KIAA0586: variants seen among roughly 807,000 people sequenced by gnomAD.
The protein encoded by KIAA0586 is protein TALPID3.
KIAA0586 carries 144 observed loss-of-function variants against 169.8 expected under a neutral mutation model. That is an observed-to-expected ratio of 0.85 (90% CI 0.74 to 0.97). The LOEUF (loss-of-function observed/expected upper bound fraction) is 0.97, where lower values mean the gene tolerates loss of function less well. KIAA0586 is among the 50% of genes least tolerant of loss of function. KIAA0586 has a pLI of 0.00. For synonymous variants in KIAA0586, 625 were observed against 612.4 expected (o/e 1.02, Z -0.30); for missense variants, 1,854 against 1,823.0 (o/e 1.02, Z -0.31).
At chr14:58,526,399 G>A (rs2045586452) in intron 29 of KIAA0586, among the ~76,000 whole-genome samples, 1 of 152,146 alleles carries the variant, frequency 6.6e-6, no homozygotes, top group African/African-American at 2.4e-5. Flanking sequence ...AGACTCTGCT[G>A]GTAATACCCA....
At chr14:58,475,335 T>C (rs942624) in intron 19 of KIAA0586, among the ~76,000 whole-genome samples, 149,754 of 152,188 alleles carry the variant, frequency 0.98, 73,723 homozygotes, top group East Asian at 1. Flanking sequence ...AATCTAATGC[T>C]TGATGATCTG....
intron 20 of KIAA0586, among the ~76,000 whole-genome samples, chr14:58,480,172 C>T (rs1328370466): frequency 1.3e-5 from 2 of 151,844 alleles, no homozygotes; most frequent in Admixed American, 6.6e-5. Context: ...TTCTTTTGCC[C>T]TCCCCCTCAA....
intron 8 of KIAA0586, among the ~76,000 whole-genome samples, chr14:58,451,359 TGG>T (rs2039372778): frequency 6.6e-6 from 1 of 152,096 alleles, no homozygotes; most frequent in Non-Finnish European, 1.5e-5. Flanking sequence ...CCTGAGTAGC[TGG>T]GACTACAGGT....
Position 58,456,042 on chromosome 14 carries a change from A to ATTT in KIAA0586, c.1254-660_1254-659insTTT, listed in dbSNP as rs1239594312. Among the ~76,000 whole-genome samples, 8 of 147,616 alleles carry ATTT rather than the reference A, an allele frequency of 5.4e-5. No homozygotes were observed. In the East Asian group the frequency reaches 1.4e-3, roughly 26 times the overall value. The stretch of plus-strand genomic sequence containing the variant: ...GTTAAACAATTGCCACCGTTTTTTG[A>ATTT]AAAATGCCCTGGGGATACTTTCTCG... On this transcript the variant is annotated intron_variant, in intron 9 of 30. Transcript: ENST00000652326.
At chr14:58,475,776 A>G (rs752630147) in intron 19 of KIAA0586, among the ~76,000 whole-genome samples, 26 of 152,178 alleles carry the variant, frequency 1.7e-4, no homozygotes, top group African/African-American at 3.1e-4. Flanking sequence ...GATACTAACA[A>G]TGTAACCCCA....
At chr14:58,519,368 A>G (rs993253846) in intron 29 of KIAA0586, among the ~76,000 whole-genome samples, 8 of 152,106 alleles carry the variant, frequency 5.3e-5, no homozygotes, top group African/African-American at 1.9e-4. Flanking sequence ...GCTTCCATGT[A>G]GCTAGGACTA....
At chr14:58,492,356 G>A (rs1048201310) in intron 26 of KIAA0586, 81 bp downstream of exon 26, 14 of 1,307,010 alleles carry the variant, frequency 1.1e-5, no homozygotes, top group African/African-American at 4.5e-5. Context: ...ACTAGTTAAA[G>A]CATGCTAGTA....
intron 29 of KIAA0586, among the ~76,000 whole-genome samples, chr14:58,536,617 A>G (rs1445451787): frequency 6.6e-6 from 1 of 152,226 alleles, no homozygotes; most frequent in Non-Finnish European, 1.5e-5. Flanking sequence ...TGAAATGAAA[A>G]GCTAAAATAT....
the KIAA0586 span, among the ~76,000 whole-genome samples, chr14:58,560,066 G>A: frequency 4.6e-5 from 7 of 151,114 alleles, no homozygotes; most frequent in African/African-American, 1.5e-4. Context: ...CAGGAGAATC[G>A]CTTGAACCTG....
intron 19 of KIAA0586, among the ~76,000 whole-genome samples, chr14:58,475,774 C>A (rs1012214856): frequency 6.6e-6 from 1 of 152,006 alleles, no homozygotes; most frequent in Non-Finnish European, 1.5e-5. Context: ...AGGATACTAA[C>A]AATGTAACCC....
intron 26 of KIAA0586, among the ~76,000 whole-genome samples, chr14:58,496,663 A>T (rs1427589586): frequency 1.3e-5 from 2 of 152,196 alleles, no homozygotes; most frequent in Non-Finnish European, 2.9e-5. Context: ...TTGAATGTTG[A>T]GCTAAGAAGT....
At chr14:58,489,996 A>G (rs2141215995) in intron 24 of KIAA0586, among the ~76,000 whole-genome samples, 168 bp from the exon 25 acceptor site, 1 of 152,300 alleles carries the variant, frequency 6.6e-6, no homozygotes, top group Non-Finnish European at 1.5e-5. Context: ...ATTGTACTTC[A>G]AAAAAACTGG....
chr14:58,534,617 C>G (rs575703806), intron 29 of KIAA0586, among the ~76,000 whole-genome samples: 1 of 152,230 alleles, frequency 6.6e-6, no homozygotes, highest in East Asian at 1.9e-4. Context: ...ATCTCACCTT[C>G]TGCTTCTGAA....
At chr14:58,509,796 T>C (rs2141445687) in intron 28 of KIAA0586, among the ~76,000 whole-genome samples, 1 of 152,340 alleles carries the variant, frequency 6.6e-6, no homozygotes, top group South Asian at 2.1e-4. Flanking sequence ...TGGGATATGA[T>C]ACCAAAGGTA....
chr14:58,505,818 A>G (rs1337874779), intron 27 of KIAA0586, among the ~76,000 whole-genome samples: 1 of 152,106 alleles, frequency 6.6e-6, no homozygotes, highest in Non-Finnish European at 1.5e-5. Flanking sequence ...GATGTTTTCT[A>G]CTATTTGTAT....
At chr14:58,464,321 G>GCA (rs4034996) in intron 14 of KIAA0586, among the ~76,000 whole-genome samples, 149,982 of 152,178 alleles carry the variant, frequency 0.99, 73,942 homozygotes, top group East Asian at 1. Flanking sequence ...AGTTTATAAA[G>GCA]GTTTATCCCC....
rs2038502530 is a variant in KIAA0586 at position 58,442,722 on chromosome 14, G to A, written c.427G>A (p.Val143Ile). 1 of 1,571,848 alleles carries A rather than the reference G, an allele frequency of 6.4e-7. No individual in the cohort carries two copies. Among genetic ancestry groups the A allele is most frequent in the South Asian group, 1.2e-5 (1 of 85,692 alleles). ...TATTTATAGAGCTCAAAGCATGCCT[G>A]TTTTTAAGGAAGTAAAGGTACATCT... Reference protein sequence around the residue: ...VLKQKAQSMPVFKEVKVHLLE... With the variant: ...VLKQKAQSMPIFKEVKVHLLE... The change falls in exon 5 of 31, where the codon GTT becomes ATT. Residue 143 changes from valine to isoleucine, a missense_variant. Physicochemically the swap from Val to Ile is conservative, Grantham distance 29. Transcript: ENST00000652326.
intron 14 of KIAA0586, chr14:58,463,865 A>G (rs112037487): frequency 1.1e-3 from 314 of 288,178 alleles, no homozygotes; most frequent in African/African-American, 6.8e-3. Context: ...AATTAGATAC[A>G]TAGAAACACC....
At chr14:58,518,948 A>G (rs1400624857) in intron 29 of KIAA0586, among the ~76,000 whole-genome samples, 2 of 152,226 alleles carry the variant, frequency 1.3e-5, no homozygotes, top group Non-Finnish European at 2.9e-5. Flanking sequence ...CCTGGCCAAC[A>G]TGGCAAAACC....
Sources: allele counts gnomAD v4.1 joint callset (sites outside exome capture counted in the v4.1 genomes callset), GRCh38; gene constraint gnomAD v4.1.1; transcripts MANE v1.5; gene names NCBI Gene and HGNC (gene_info 2026-07-23, HGNC 2026-07-21).